The following SNTG1 variants were observed in gnomAD, a reference collection of about 807,000 sequenced individuals.
SNTG1 encodes syntrophin gamma 1.
In SNTG1, 39 loss-of-function variants were observed where a neutral mutation model predicts 74.7. The ratio of observed to expected loss-of-function variants is 0.52; its 90% CI spans 0.40 to 0.68. SNTG1 has a LOEUF of 0.68. SNTG1 is among the 30% of genes least tolerant of loss of function. The pLI, the probability that SNTG1 is intolerant of heterozygous loss-of-function variation, is 0.00. For synonymous variants in SNTG1, 254 were observed against 217.1 expected (o/e 1.17, Z -1.49); for missense variants, 685 against 609.5 (o/e 1.12, Z -1.30).
intron 1 of SNTG1, among the ~76,000 whole-genome samples, chr8:49,920,700 G>T (rs1806460188): frequency 6.6e-6 from 1 of 152,030 alleles, no homozygotes; most frequent in South Asian, 2.1e-4. Context: ...AAACAGAGAG[G>T]TTTTTGGACA....
At chr8:50,257,984 T>C (rs1010530377) in intron 2 of SNTG1, among the ~76,000 whole-genome samples, 1 of 152,070 alleles carries the variant, frequency 6.6e-6, no homozygotes, top group Admixed American at 6.6e-5. Flanking sequence ...TCAAAGGAAA[T>C]CTGGAAAAGC....
intron 1 of SNTG1, among the ~76,000 whole-genome samples, chr8:50,001,157 G>A (rs1208649185): frequency 1.3e-5 from 2 of 152,160 alleles, no homozygotes; most frequent in African/African-American, 4.8e-5. Flanking sequence ...TGGGTGTGCA[G>A]GGGCTTAGTA....
At chr8:50,423,293 G>A (rs967174770) in intron 4 of SNTG1, among the ~76,000 whole-genome samples, 2 of 152,134 alleles carry the variant, frequency 1.3e-5, no homozygotes, top group East Asian at 3.9e-4. Context: ...TTTATAGCAT[G>A]TAAAACAGTG....
At chr8:50,402,925 G>A (rs530185737) in intron 4 of SNTG1, among the ~76,000 whole-genome samples, 4 of 152,260 alleles carry the variant, frequency 2.6e-5, no homozygotes, top group African/African-American at 7.2e-5. Context: ...ACTTCAGAAA[G>A]AGCCATAAAT....
At chr8:50,738,631 A>T (rs2095534994) in intron 17 of SNTG1, among the ~76,000 whole-genome samples, 1 of 152,148 alleles carries the variant, frequency 6.6e-6, no homozygotes, top group Non-Finnish European at 1.5e-5. Flanking sequence ...ACAAAGCTGG[A>T]GGCATCATGA....
intron 13 of SNTG1, among the ~76,000 whole-genome samples, chr8:50,598,127 T>G (rs982247471): frequency 1.3e-5 from 2 of 151,872 alleles, no homozygotes; most frequent in Non-Finnish European, 1.5e-5. Flanking sequence ...GAAGTCTTAT[T>G]TTAAAAACTC....
At chr8:50,720,393 AATTT>A (rs2095484950) in intron 17 of SNTG1, among the ~76,000 whole-genome samples, 1 of 152,176 alleles carries the variant, frequency 6.6e-6, no homozygotes, top group African/African-American at 2.4e-5. Flanking sequence ...AGGACTTGTC[AATTT>A]ATTTATTGAA....
At chr8:50,109,923 T>C (rs1357321571) in intron 1 of SNTG1, among the ~76,000 whole-genome samples, 1 of 152,172 alleles carries the variant, frequency 6.6e-6, no homozygotes, top group Non-Finnish European at 1.5e-5. Flanking sequence ...ACCACCTTTT[T>C]CTTTCTCTAG....
chr8:50,659,648 A>T (rs1272201069), intron 15 of SNTG1, among the ~76,000 whole-genome samples: 2 of 152,146 alleles, frequency 1.3e-5, no homozygotes, highest in African/African-American at 4.8e-5. Flanking sequence ...AGTATAGTTC[A>T]TTGATTGCTC....
In SNTG1 at chr8:50,403,257, T is replaced by C. The variant is rs74571788; in HGVS notation, c.162+913T>C. On this transcript the variant is annotated intron_variant, in intron 4 of 18. Transcript: ENST00000642720. ...GGAGTGTTTAGTTGGTGGTGAATAA[T>C]GCTGAACTTGAGCTCTCACATCACT... Among the ~76,000 whole-genome samples the C allele has an allele frequency of 4.2e-3, 645 of 152,334 alleles. 7 individuals carry two copies. The highest frequency in any genetic ancestry group is 0.011 in the African/African-American group (474 of 41,574).
At chr8:50,076,134 G>C (rs1265970667) in intron 1 of SNTG1, among the ~76,000 whole-genome samples, 2 of 152,172 alleles carry the variant, frequency 1.3e-5, no homozygotes, top group African/African-American at 2.4e-5. Flanking sequence ...GTGGAAGCTT[G>C]ATGGATAGAG....
chr8:50,754,030 TCTG>T (rs753001747), intron 18 of SNTG1, among the ~76,000 whole-genome samples: 2 of 151,966 alleles, frequency 1.3e-5, no homozygotes, highest in Non-Finnish European at 2.9e-5. Context: ...GAACATTACC[TCTG>T]CTGACATAAA....
At chr8:50,313,299 G>T (rs1243564036) in intron 2 of SNTG1, among the ~76,000 whole-genome samples, 1 of 149,752 alleles carries the variant, frequency 6.7e-6, no homozygotes, top group Non-Finnish European at 1.5e-5. Flanking sequence ...GGAAACCAAA[G>T]CAAAAATACA....
chr8:50,178,957 A>G (rs1210026714), intron 2 of SNTG1, among the ~76,000 whole-genome samples: 1 of 152,174 alleles, frequency 6.6e-6, no homozygotes, highest in East Asian at 1.9e-4. Context: ...TTCTTCTACA[A>G]ATTTTACTGC....
intron 15 of SNTG1, among the ~76,000 whole-genome samples, chr8:50,662,906 G>A (rs919678358): frequency 1.3e-5 from 2 of 152,120 alleles, no homozygotes; most frequent in African/African-American, 4.8e-5. Context: ...CAGTTACTTC[G>A]AGTACCTTCT....
At chr8:50,347,215 C>T (rs893066887) in intron 2 of SNTG1, among the ~76,000 whole-genome samples, 18 of 152,310 alleles carry the variant, frequency 1.2e-4, no homozygotes, top group African/African-American at 4.3e-4. Flanking sequence ...TCAGTTAAAA[C>T]CAATGCTTGT....
chr8:50,566,433 C>T (rs2094517123), intron 12 of SNTG1, among the ~76,000 whole-genome samples: 1 of 151,974 alleles, frequency 6.6e-6, no homozygotes, highest in Admixed American at 6.6e-5. Flanking sequence ...TTCCACAAGT[C>T]TCTAGAAGTC....
chr8:50,560,940 A>G (rs1221133547), intron 12 of SNTG1, among the ~76,000 whole-genome samples: 3 of 152,218 alleles, frequency 2.0e-5, no homozygotes, highest in African/African-American at 7.2e-5. Context: ...ATATTTCTCT[A>G]AGTGTTTAAT....
intron 13 of SNTG1, among the ~76,000 whole-genome samples, chr8:50,594,993 A>G (rs562887164): frequency 1.3e-5 from 2 of 149,574 alleles, no homozygotes; most frequent in South Asian, 4.3e-4. Flanking sequence ...TGTATATTTA[A>G]TTCATGAAAT....
Sources: allele counts gnomAD v4.1 joint callset (sites outside exome capture counted in the v4.1 genomes callset), GRCh38; gene constraint gnomAD v4.1.1; transcripts MANE v1.5; gene names NCBI Gene and HGNC (gene_info 2026-07-23, HGNC 2026-07-21).